CHRDL1: variants seen among roughly 807,000 people sequenced by gnomAD.
CHRDL1 encodes the protein chordin-like protein 1.
In CHRDL1, 19 loss-of-function variants were observed where a neutral mutation model predicts 40.9. The observed-to-expected ratio is 0.46, with a 90% CI of 0.32 to 0.68. CHRDL1 has a LOEUF of 0.68. Among genes scored for constraint, CHRDL1 ranks in the 30% least tolerant of loss-of-function variants. The pLI is 0.03. For synonymous variants in CHRDL1, 136 were observed against 123.4 expected, an observed-to-expected ratio of 1.10 and a Z score of -0.68; for missense variants, 329 against 352.1, an observed-to-expected ratio of 0.93 and a Z score of 0.53.
intron 3 of CHRDL1, among the ~76,000 whole-genome samples, chrX:110,760,280 G>C (rs2089538938): frequency 8.9e-6 from 1 of 112,207 alleles, no homozygotes. Context: ...CTGAGGACGA[G>C]CTAGAGTTTG....
At chrX:110,697,639 G>C (rs1348084408) in intron 7 of CHRDL1, among the ~76,000 whole-genome samples, 1 of 109,467 alleles carries the variant, frequency 9.1e-6, no homozygotes, top group African/African-American at 3.3e-5. Context: ...ATTTTTATCT[G>C]TTTCATGTCG....
chrX:110,709,778 G>A (rs190751483), intron 6 of CHRDL1, among the ~76,000 whole-genome samples: 42 of 111,694 alleles, frequency 3.8e-4, no homozygotes, highest in African/African-American at 1.3e-3. Context: ...GCTGAGGCGG[G>A]TAGATCATCT....
intron 4 of CHRDL1, among the ~76,000 whole-genome samples, chrX:110,729,615 CATA>C (rs2148474788): frequency 1.8e-5 from 2 of 111,833 alleles, no homozygotes; most frequent in South Asian, 3.8e-4. Context: ...ATGTTTTATT[CATA>C]ATGAGGCTGT....
chrX:110,744,932 T>C (rs947399908), intron 4 of CHRDL1, among the ~76,000 whole-genome samples: 2 of 108,037 alleles, frequency 1.9e-5, no homozygotes, highest in Non-Finnish European at 3.8e-5. Flanking sequence ...ATAGGAACTA[T>C]CATTGTCCCA....
At chrX:110,680,257 C>T (rs934987115) in intron 10 of CHRDL1, among the ~76,000 whole-genome samples, 2 of 111,903 alleles carry the variant, frequency 1.8e-5, no homozygotes, top group Non-Finnish European at 3.8e-5. Flanking sequence ...AGTGGGCCCA[C>T]TGCTGGGGAA....
chrX:110,763,550 T>C (rs1179706448), intron 2 of CHRDL1, among the ~76,000 whole-genome samples: 1 of 104,209 alleles, frequency 9.6e-6, no homozygotes, highest in East Asian at 2.9e-4. Context: ...TATATATATA[T>C]ATATATATAC....
At chrX:110,739,622 C>G (rs1228328497) in intron 4 of CHRDL1, among the ~76,000 whole-genome samples, 1 of 112,072 alleles carries the variant, frequency 8.9e-6, no homozygotes, top group African/African-American at 3.2e-5. Context: ...CCCCTCCACT[C>G]CCACATTCAT....
intron 2 of CHRDL1, among the ~76,000 whole-genome samples, chrX:110,764,333 G>A (rs745606189): frequency 2.0e-4 from 22 of 112,120 alleles, no homozygotes; most frequent in Admixed American, 2.8e-4. Context: ...TGTCTGTTGC[G>A]GGAAGTCAGG....
intron 8 of CHRDL1, among the ~76,000 whole-genome samples, chrX:110,689,536 C>CTATATATA (rs2070136188): frequency 6.8e-5 from 3 of 44,318 alleles, no homozygotes; most frequent in Non-Finnish European, 1.0e-4. Context: ...ATCTATATAT[C>CTATATATA]TCTATATCTC....
At chrX:110,720,909 G>C (rs139063494) in intron 5 of CHRDL1, among the ~76,000 whole-genome samples, 1 of 111,863 alleles carries the variant, frequency 8.9e-6, no homozygotes, top group African/African-American at 3.2e-5. Context: ...TTTATAGAGA[G>C]TTTTCTCATT....
intron 2 of CHRDL1, among the ~76,000 whole-genome samples, chrX:110,769,444 C>A (rs1296958139): frequency 8.9e-6 from 1 of 112,150 alleles, no homozygotes; most frequent in Admixed American, 9.4e-5. Flanking sequence ...TTTAATCATG[C>A]AAATCAATTA....
In CHRDL1 at chrX:110,759,762, A is replaced by G; in HGVS notation, c.208-8T>C. On this transcript the variant is annotated splice_region_variant and splice_polypyrimidine_tract_variant and intron_variant, in intron 3 of 11. Coordinates refer to ENST00000372042, the MANE Select transcript of CHRDL1 (RefSeq NM_001143981.2). ...GCAAAGCACATTCCCATTCTGAAAAAGAGAAGGCAATGAGAAAAAATAAAT... is the reference window on the plus strand; with the variant it reads ...GCAAAGCACATTCCCATTCTGAAAAGGAGAAGGCAATGAGAAAAAATAAAT... The G allele has an allele frequency of 8.7e-7, 1 of 1,154,469 alleles. No homozygotes were observed. Among genetic ancestry groups the G allele is most frequent in the Non-Finnish European group, 1.2e-6 (1 of 843,169 alleles).
At chrX:110,752,634 T>C (rs1269080692) in intron 4 of CHRDL1, among the ~76,000 whole-genome samples, 1 of 111,039 alleles carries the variant, frequency 9.0e-6, no homozygotes, top group African/African-American at 3.3e-5. Context: ...GGCTTTTGGA[T>C]AACTCTGGAC....
At chrX:110,749,701 G>C (rs752492982) in intron 4 of CHRDL1, among the ~76,000 whole-genome samples, 1 of 111,761 alleles carries the variant, frequency 8.9e-6, no homozygotes, top group Non-Finnish European at 1.9e-5. Flanking sequence ...TTAGGGAATA[G>C]CTGATGGTAT....
At chrX:110,691,138 C>G (rs994537696) in intron 8 of CHRDL1, among the ~76,000 whole-genome samples, 2 of 107,701 alleles carry the variant, frequency 1.9e-5, no homozygotes, top group African/African-American at 6.8e-5. Flanking sequence ...CACTTGGGCC[C>G]GGGAAGTCGA....
chrX:110,716,888 T>G (rs1233310182), intron 6 of CHRDL1, among the ~76,000 whole-genome samples: 1 of 111,529 alleles, frequency 9.0e-6, no homozygotes, highest in Non-Finnish European at 1.9e-5. Context: ...TTGTCTCCTT[T>G]TCATCCCAGT....
At chrX:110,788,690 G>A (rs1335362865) in intron 2 of CHRDL1, among the ~76,000 whole-genome samples, 3 of 111,651 alleles carry the variant, frequency 2.7e-5, no homozygotes, top group African/African-American at 9.8e-5. Context: ...GTAAAAATAT[G>A]GGAAATAAGA....
At chrX:110,788,671 A>G (rs1478479411) in intron 2 of CHRDL1, among the ~76,000 whole-genome samples, 1 of 111,848 alleles carries the variant, frequency 8.9e-6, no homozygotes, top group African/African-American at 3.3e-5. Context: ...TTGTCTCTAG[A>G]GTTGCACAGT....
intron 7 of CHRDL1, among the ~76,000 whole-genome samples, chrX:110,697,814 C>G (rs866715242): frequency 1.8e-5 from 1 of 55,134 alleles, no homozygotes; most frequent in African/African-American, 5.6e-5. Context: ...CCACACCACT[C>G]CACACACACA....
Sources: gnomAD v4.1 joint callset for allele counts (sites outside exome capture counted in the v4.1 genomes callset) on GRCh38, gnomAD v4.1.1 for gene constraint, MANE v1.5 for transcripts, NCBI Gene and HGNC (gene_info 2026-07-23, HGNC 2026-07-21) for gene names.